NOX5: variants seen among roughly 807,000 people sequenced by gnomAD.
The protein encoded by NOX5 is NADPH oxidase, EF-hand calcium binding domain 5.
Under a neutral mutation model 85.7 loss-of-function variants are expected in NOX5, and 76 were observed. The observed-to-expected ratio is 0.89, with a 90% CI of 0.74 to 1.07. The LOEUF (loss-of-function observed/expected upper bound fraction) is 1.07, where lower values mean the gene tolerates loss of function less well. NOX5 is among the 50% of genes least tolerant of loss of function. The pLI is 0.00. For missense variants in NOX5, 973 were observed against 999.5 expected, an observed-to-expected ratio of 0.97 and a Z score of 0.36; for synonymous variants, 405 against 401.4, an observed-to-expected ratio of 1.01 and a Z score of -0.11.
Position 69,056,629 on chromosome 15 carries a change from C to T in NOX5, c.2231C>T (p.Ala744Val). 6.2e-7 allele frequency: 1 copy of T among 1,613,838 alleles called. No individual in the cohort carries two copies. The highest frequency in any genetic ancestry group is 1.1e-5 in the South Asian group (1 of 91,054). ...KVQVFFCGSP[A>V]LAKVLKGHCE... ...CAGGTCTTCTTCTGTGGCTCCCCAG[C>T]TCTGGCCAAGGTGCTGAAGGGCCAT... is the stretch of plus-strand genomic sequence containing the variant. Residue 744 changes from alanine (A) to valine (V), a missense_variant, in exon 16 of 16, where the codon GCT becomes GTT. Physicochemically the swap from Ala to Val is moderately conservative, Grantham distance 64 (BLOSUM62 0). Transcript: ENST00000388866.
rs1384038102 is a variant in NOX5, at chr15:69,059,895, T to TC, written c.*3204dup. The TC allele has an allele frequency of 6.6e-6, 1 of 151,912 alleles. No individual in the cohort carries two copies. The highest frequency in any genetic ancestry group is 1.5e-5 in the Non-Finnish European group (1 of 68,046). 9.4% of individuals were successfully genotyped at this position (151,912 alleles called of 1,614,324 possible). A position where few individuals can be genotyped will look rare whatever the true frequency, so the allele number is the denominator to read the frequency against. On this transcript the variant is annotated 3_prime_UTR_variant, in exon 16 of 16. Transcript: ENST00000388866. ...CAGTTATCGGCACGTGTGCCCATCC[T>TC]CCCCCATGAAGCTGCAAACTCCCCA...
chr15:69,044,795 A>ATTT (rs2050641494), intron 10 of NOX5, among the ~76,000 whole-genome samples: 1 of 152,216 alleles, frequency 6.6e-6, no homozygotes. Context: ...CTATATCTGC[A>ATTT]TTTTTAAAGC....
intron 5 of NOX5, among the ~76,000 whole-genome samples, chr15:69,034,881 C>T (rs2050491123): frequency 6.6e-6 from 1 of 152,144 alleles, no homozygotes; most frequent in African/African-American, 2.4e-5. Context: ...GCCTCAGCCC[C>T]CTAAGTAGCT....
At chr15:69,050,400 G>A (rs1240079107) in intron 14 of NOX5, among the ~76,000 whole-genome samples, 1 of 152,088 alleles carries the variant, frequency 6.6e-6, no homozygotes, top group Non-Finnish European at 1.5e-5. Flanking sequence ...GTCTGCTGGT[G>A]AGAAACTCTT....
chr15:69,029,321 G>A (rs534633541), intron 3 of NOX5: 12 of 152,306 alleles, frequency 7.9e-5, no homozygotes, highest in African/African-American at 2.9e-4. Context: ...CATAGCATGT[G>A]ACAGAATTTT....
intron 1 of NOX5, 143 bp from the exon 2 acceptor site, chr15:69,026,385 C>T: frequency 1.1e-6 from 1 of 950,616 alleles, no homozygotes; most frequent in Non-Finnish European, 1.5e-6. Flanking sequence ...AGCTCCAATC[C>T]ACAGCCAGAA....
chr15:69,024,918 G>A (rs2050337575), intron 1 of NOX5, among the ~76,000 whole-genome samples: 2 of 152,014 alleles, frequency 1.3e-5, no homozygotes, highest in Admixed American at 1.3e-4. Context: ...TTAGTAGTAT[G>A]TACTTACATG....
chr15:69,041,581 A>G (rs1465078458), intron 9 of NOX5, among the ~76,000 whole-genome samples: 1 of 152,228 alleles, frequency 6.6e-6, no homozygotes, highest in African/African-American at 2.4e-5. Context: ...CTTCAAGAGT[A>G]TTTATGCTCA....
chr15:69,017,795 C>T (rs2050249240), intron 1 of NOX5, among the ~76,000 whole-genome samples: 1 of 152,030 alleles, frequency 6.6e-6, no homozygotes, highest in African/African-American at 2.4e-5. Flanking sequence ...CACACACACA[C>T]ACACACACTC....
At chr15:69,045,536 T>TTTTCTTTCTTTC (rs11389610) in intron 10 of NOX5, among the ~76,000 whole-genome samples, 13,341 of 94,394 alleles carry the variant, frequency 0.14, 1,230 homozygotes, top group Non-Finnish European at 0.18. Context: ...TTCCTTTCTT[T>TTTTCTTTCTTTC]TTTCTTTCTT....
At position 69,031,502 on chromosome 15, in the gene NOX5, C is replaced by T. The variant is rs774655468; in HGVS notation, c.326-16C>T. Reference sequence around the variant, plus strand: ...CTGGAGGTGGGTAAACAGAAGAGGCCCACCACTTCTTGCAGTGTGTGCACG... The same window carrying T: ...CTGGAGGTGGGTAAACAGAAGAGGCTCACCACTTCTTGCAGTGTGTGCACG... On this transcript the variant is annotated splice_polypyrimidine_tract_variant and intron_variant, in intron 3 of 15. Transcript: ENST00000388866. 1.1e-5 allele frequency: 17 copies of T among 1,591,916 alleles called. No homozygotes were observed. The highest frequency in any genetic ancestry group is 1.3e-5 in the Non-Finnish European group (15 of 1,167,588).
intron 8 of NOX5, 84 bp downstream of exon 8, chr15:69,037,294 A>C: frequency 7.6e-7 from 1 of 1,313,346 alleles, no homozygotes; most frequent in Non-Finnish European, 1.1e-6. Flanking sequence ...ATACCCTGTC[A>C]GACCCCCAAG....
chr15:69,031,594 C>A lies in NOX5; in HGVS notation c.402C>A (p.Leu134=), dbSNP rs768058504. The A allele has an allele frequency of 1.9e-6, 3 of 1,613,150 alleles. No individual in the cohort carries two copies. The highest frequency in any genetic ancestry group is 1.7e-6 in the Non-Finnish European group (2 of 1,180,036). Residue 134 remains leucine (L), a synonymous_variant, in exon 4 of 16, where the codon CTC becomes CTA. Coordinates refer to ENST00000388866, the MANE Select transcript of NOX5 (RefSeq NM_024505.4). ...GCCCGCACTGGGCTTCATCCCCACT[C>A]GGGACAGGCAGTGGCTCCATTGACC... ...GAGPHWASSP[L]GTGSGSIDPD...
Position 69,035,386 on chromosome 15 carries a change from G to T in NOX5, c.888G>T (p.Leu296=). The T allele has an allele frequency of 6.2e-7, 1 of 1,614,196 alleles. No individual in the cohort carries two copies. The highest frequency in any genetic ancestry group is 8.5e-7 in the Non-Finnish European group (1 of 1,180,026). The change falls in exon 6 of 16, where the codon CTG becomes CTT. Residue 296 remains leucine (L), a synonymous_variant. Coordinates refer to ENST00000388866, the MANE Select transcript of NOX5 (RefSeq NM_024505.4). ...TGCTCAGACGCTGCCTCACCTGGCTGCGGGCCACGTGGCTGGCTCAAGTCC... is the reference window on the plus strand; with the variant it reads ...TGCTCAGACGCTGCCTCACCTGGCTTCGGGCCACGTGGCTGGCTCAAGTCC... The part of the protein sequence containing the change: ...VLMLRRCLTW[L]RATWLAQVLP...
intron 14 of NOX5, among the ~76,000 whole-genome samples, chr15:69,050,984 C>G (rs2050741437): frequency 4.6e-5 from 7 of 152,212 alleles, no homozygotes; most frequent in Admixed American, 4.6e-4. Flanking sequence ...TTCACACATT[C>G]AAATTAATGC....
At chr15:69,047,959 C>A in intron 13 of NOX5, 48 bp downstream of exon 13, 1 of 1,553,106 alleles carries the variant, frequency 6.4e-7, no homozygotes, top group Non-Finnish European at 8.9e-7. Flanking sequence ...CTCCCCTGGA[C>A]AACTCCTAAA....
intron 9 of NOX5, among the ~76,000 whole-genome samples, chr15:69,042,449 T>C (rs1464666977): frequency 6.6e-6 from 1 of 152,220 alleles, no homozygotes; most frequent in Non-Finnish European, 1.5e-5. Flanking sequence ...TAAGCTCAGG[T>C]TGACTTCATC....
chr15:69,029,582 A>T (rs1156682999), intron 3 of NOX5: 1 of 152,120 alleles, frequency 6.6e-6, no homozygotes, highest in African/African-American at 2.4e-5. Context: ...AGGAACTGCC[A>T]TACTGTTTTC....
intron 2 of NOX5, 90 bp from the exon 3 acceptor site, chr15:69,028,125 A>C (rs1595772407): frequency 7.1e-7 from 1 of 1,405,602 alleles, no homozygotes; most frequent in Non-Finnish European, 9.6e-7. Context: ...CCCCCCCACC[A>C]CCACCCCAGA....
Sources: allele counts gnomAD v4.1 joint callset (sites outside exome capture counted in the v4.1 genomes callset), GRCh38; gene constraint gnomAD v4.1.1; transcripts MANE v1.5; gene names NCBI Gene and HGNC (gene_info 2026-07-23, HGNC 2026-07-21).